Variants in ALPK1 observed in about 807,000 individuals in gnomAD.
The protein encoded by ALPK1 is alpha kinase 1.
A neutral mutation model predicts 120.6 loss-of-function variants in ALPK1; 110 were observed. That is an observed-to-expected ratio of 0.91 (90% CI 0.78 to 1.07). The LOEUF (loss-of-function observed/expected upper bound fraction) is 1.07. ALPK1 is among the 50% of genes least tolerant of loss of function. ALPK1 has a pLI of 0.00. For synonymous variants in ALPK1, 582 were observed against 560.3 expected (o/e 1.04, Z -0.55); for missense variants, 1,498 against 1,483.9 (o/e 1.01, Z -0.16).
At position 112,441,545 on chromosome 4, in the gene ALPK1, G is replaced by T; in HGVS notation, c.*335G>T. ...TATCTGTCAAGACTGATACTACTGG[G>T]GCTTTTCCTATTGATTTGGGAGTTC... On this transcript the variant is annotated 3_prime_UTR_variant, in exon 16 of 16. Transcript: ENST00000650871. 3.7e-6 allele frequency: 1 copy of T among 272,152 alleles called. No individual in the cohort carries two copies. The highest frequency in any genetic ancestry group is 5.0e-5 in the Admixed American group (1 of 19,946). 16.9% of individuals were successfully genotyped at this position (272,152 alleles called of 1,614,324 possible).
rs575764284 is a variant in ALPK1, at chr4:112,419,522, AG to A, written c.476-4420del. Among the ~76,000 whole-genome samples the A allele has an allele frequency of 1.3e-3, 199 of 152,222 alleles. 1 individual carries two copies. Among genetic ancestry groups the A allele is most frequent in the Middle Eastern group, 3.4e-3 (1 of 294 alleles). On this transcript the variant is annotated intron_variant, in intron 5 of 15. Coordinates refer to ENST00000650871, the MANE Select transcript of ALPK1 (RefSeq NM_025144.4). ...GAGGAAGAAAGGCAGAAGGGAAAGA[AG>A]GAGGAAAGGAAGGATGAAAGGAAAG...
At chr4:112,429,873 GAAAAAGAAAAA>G (rs930049353) in intron 10 of ALPK1, among the ~76,000 whole-genome samples, 1 of 134,114 alleles carries the variant, frequency 7.5e-6, no homozygotes, top group East Asian at 2.2e-4. Context: ...AAGAGAAAAA[GAAAAAGAAAAA>G]AAAAAGAAAG....
intron 4 of ALPK1, among the ~76,000 whole-genome samples, chr4:112,389,962 C>A (rs1215493136): frequency 6.6e-6 from 1 of 152,196 alleles, no homozygotes; most frequent in African/African-American, 2.4e-5. Context: ...TACTCCTGTT[C>A]CAGCTGCAGC....
intron 2 of ALPK1, chr4:112,357,160 AGGG>A (rs1730671213): frequency 6.7e-7 from 1 of 1,500,516 alleles, no homozygotes; most frequent in Non-Finnish European, 9.2e-7. Context: ...TCACCAAGCC[AGGG>A]AGCTACATCT....
At chr4:112,430,166 A>C (rs1011450315) in intron 10 of ALPK1, among the ~76,000 whole-genome samples, 2 of 152,220 alleles carry the variant, frequency 1.3e-5, no homozygotes, top group Admixed American at 6.5e-5. Context: ...ATCGTCTTTA[A>C]TCAAAATGTA....
chr4:112,397,381 A>G (rs1178706736), intron 4 of ALPK1, among the ~76,000 whole-genome samples: 1 of 152,252 alleles, frequency 6.6e-6, no homozygotes, highest in African/African-American at 2.4e-5. Flanking sequence ...TGGCTGTTGA[A>G]AACGTCCTAT....
rs1483861034 is a variant in ALPK1 at position 112,442,436 on chromosome 4, A to G, written c.*1226A>G. The G allele has an allele frequency of 6.6e-6, 1 of 152,152 alleles. No individual in the cohort carries two copies. The highest frequency in any genetic ancestry group is 1.9e-4 in the East Asian group (1 of 5,190). 9.4% of individuals were successfully genotyped at this position (152,152 alleles called of 1,614,324 possible). A position where few individuals can be genotyped will look rare whatever the true frequency, so the allele number is the denominator to read the frequency against. On this transcript the variant is annotated 3_prime_UTR_variant, in exon 16 of 16. Coordinates refer to ENST00000650871, the MANE Select transcript of ALPK1 (RefSeq NM_025144.4). Reference sequence around the variant, plus strand: ...GTGATGAGAGTAGGTGGACACATAGAGGGAACAACACACACCAGGGCTTAT... The same window carrying G: ...GTGATGAGAGTAGGTGGACACATAGGGGGAACAACACACACCAGGGCTTAT...
In ALPK1 at chr4:112,308,375, T is replaced by C. The variant is rs543796431; in HGVS notation, c.-152-7426T>C. Among the ~76,000 whole-genome samples, 8 of 152,256 alleles carry C rather than the reference T, an allele frequency of 5.3e-5. No individual in the cohort carries two copies. The East Asian group carries it at 1.5e-3, about 29-fold the overall frequency. The stretch of plus-strand genomic sequence containing the variant: ...CTTGGTTCCATTCTCCCCGTCACTC[T>C]CAGGTACACCAATCAGACATAGATT... On this transcript the variant is annotated intron_variant, in intron 1 of 15. Transcript: ENST00000650871.
At chr4:112,299,528 T>TA (rs987868330) in intron 1 of ALPK1, among the ~76,000 whole-genome samples, 4 of 152,150 alleles carry the variant, frequency 2.6e-5, no homozygotes, top group African/African-American at 4.8e-5. Flanking sequence ...ATATTACAGG[T>TA]AATCTGCAGA....
chr4:112,378,024 G>A (rs932800933), intron 3 of ALPK1, 126 bp downstream of exon 3: 4 of 1,140,930 alleles, frequency 3.5e-6, no homozygotes, highest in Non-Finnish European at 4.6e-6. Context: ...CGAGAGATGA[G>A]TGGATTTCTA....
At chr4:112,319,319 A>C (rs1457997365) in intron 2 of ALPK1, among the ~76,000 whole-genome samples, 1 of 152,242 alleles carries the variant, frequency 6.6e-6, no homozygotes, top group African/African-American at 2.4e-5. Context: ...GTTCAGAACC[A>C]GCATTGTTTG....
chr4:112,313,288 G>A (rs1294067647), intron 1 of ALPK1, among the ~76,000 whole-genome samples: 1 of 152,216 alleles, frequency 6.6e-6, no homozygotes, highest in Non-Finnish European at 1.5e-5. Context: ...TAGAAGAAGA[G>A]GAGGAACCAG....
At chr4:112,299,931 G>A (rs1727712227) in intron 1 of ALPK1, among the ~76,000 whole-genome samples, 1 of 152,086 alleles carries the variant, frequency 6.6e-6, no homozygotes, top group South Asian at 2.1e-4. Flanking sequence ...CAGGGGCCAG[G>A]GGGGACTTTA....
rs187101331 is a variant in ALPK1, at chr4:112,303,098, C to T, written c.-153+5629C>T. Among the ~76,000 whole-genome samples, 295 of 152,248 alleles carry T rather than the reference C, an allele frequency of 1.9e-3. 3 individuals are homozygous for T. Among genetic ancestry groups the T allele is most frequent in the Admixed American group, 7.3e-3 (112 of 15,276 alleles). On this transcript the variant is annotated intron_variant, in intron 1 of 15. Transcript: ENST00000650871. Reference sequence around the variant, plus strand: ...CTGCCACATCTGATCTTCTGATCTTCCTCCCACATCTCTGGCTGCTCTTAC... The same window carrying T: ...CTGCCACATCTGATCTTCTGATCTTTCTCCCACATCTCTGGCTGCTCTTAC...
At chr4:112,405,319 C>G (rs1733117046) in intron 4 of ALPK1, among the ~76,000 whole-genome samples, 1 of 152,186 alleles carries the variant, frequency 6.6e-6, no homozygotes, top group South Asian at 2.1e-4. Context: ...ACCAAATCAT[C>G]ATTTGCTCTC....
intron 2 of ALPK1, among the ~76,000 whole-genome samples, chr4:112,373,277 C>T (rs1006152928): frequency 1.3e-5 from 2 of 152,258 alleles, no homozygotes; most frequent in South Asian, 2.1e-4. Context: ...CAGCTCACTG[C>T]GGTACTCAGA....
At chr4:112,297,644 G>C (rs1015342749) in intron 1 of ALPK1, among the ~76,000 whole-genome samples, 175 bp downstream of exon 1, 1 of 150,636 alleles carries the variant, frequency 6.6e-6, no homozygotes, top group Admixed American at 6.6e-5. Flanking sequence ...AGGGGAGGAT[G>C]AGTTGGTGGG....
rs1462056000 is a variant in ALPK1 at position 112,427,685 on chromosome 4, G to A, written c.795+20G>A. ...AATTTGGTAATTATCATAACACTGA[G>A]TGGCATCACCTGTAAAATTGTCAAT... On this transcript the variant is annotated intron_variant, in intron 9 of 15. Transcript: ENST00000650871. 6.5e-7 allele frequency: 1 copy of A among 1,547,642 alleles called. No individual in the cohort carries two copies. The highest frequency in any genetic ancestry group is 8.9e-7 in the Non-Finnish European group (1 of 1,120,134).
intron 4 of ALPK1, 181 bp downstream of exon 4, chr4:112,382,733 A>G (rs1381009000): frequency 9.2e-6 from 8 of 866,556 alleles, no homozygotes; most frequent in African/African-American, 1.7e-5. Context: ...TGCCCATAAG[A>G]TCTTGTGTTG....
Sources: allele counts gnomAD v4.1 joint callset (sites outside exome capture counted in the v4.1 genomes callset), GRCh38; gene constraint gnomAD v4.1.1; transcripts MANE v1.5; gene names NCBI Gene and HGNC (gene_info 2026-07-23, HGNC 2026-07-21).